AP2A2: variants seen among roughly 807,000 people sequenced by gnomAD.
AP2A2 encodes the protein AP-2 complex subunit alpha-2.
Under a neutral mutation model 104.2 loss-of-function variants are expected in AP2A2, and 32 were observed. The ratio of observed to expected loss-of-function variants is 0.31; its 90% CI spans 0.23 to 0.41. The LOEUF is 0.41. Among genes scored for constraint, AP2A2 ranks in the 10% least tolerant of loss-of-function variants. The probability of loss-of-function intolerance (pLI) is 1.00; values close to 1 mark genes in which losing one functional copy is unlikely to be tolerated. For synonymous variants in AP2A2, 539 were observed against 533.3 expected, an observed-to-expected ratio of 1.01 and a Z score of -0.15; for missense variants, 912 against 1,261.0, an observed-to-expected ratio of 0.72 and a Z score of 4.19.
intron 17 of AP2A2, 176 bp from the exon 18 acceptor site, chr11:1,007,836 A>C: frequency 1.2e-6 from 1 of 810,546 alleles, no homozygotes; most frequent in Middle Eastern, 2.4e-4. Context: ...CAGTGTTTTG[A>C]GGATTGTCTG....
chr11:999,324 C>T (rs917909612), intron 14 of AP2A2, among the ~76,000 whole-genome samples: 3 of 152,118 alleles, frequency 2.0e-5, no homozygotes, highest in African/African-American at 7.2e-5. Context: ...CCAACCTGGC[C>T]AACATGGTGA....
At chr11:984,432 A>C (rs1461690662) in intron 6 of AP2A2, among the ~76,000 whole-genome samples, 1 of 152,148 alleles carries the variant, frequency 6.6e-6, no homozygotes, top group Admixed American at 6.5e-5. Context: ...GAGGGCTGCC[A>C]CTCAGCTGCG....
At chr11:989,531 C>G (rs1200775467) in intron 10 of AP2A2, among the ~76,000 whole-genome samples, 2 of 152,170 alleles carry the variant, frequency 1.3e-5, no homozygotes, top group African/African-American at 2.4e-5. Context: ...TGTGGCTTGG[C>G]TTTTTTGGGT....
intron 1 of AP2A2, among the ~76,000 whole-genome samples, chr11:944,692 G>A (rs1189323431): frequency 6.6e-6 from 1 of 152,194 alleles, no homozygotes; most frequent in Non-Finnish European, 1.5e-5. Context: ...GAAGGCAGCA[G>A]TTGAGCAAGG....
In AP2A2 at chr11:935,875, G is replaced by T. The variant is rs552213734; in HGVS notation, c.67+9787G>T. 2.4e-3 allele frequency among the ~76,000 whole-genome samples: 356 copies of T among 150,038 alleles called. 2 individuals are homozygous for T. Among genetic ancestry groups the T allele is most frequent in the Non-Finnish European group, 4.5e-3 (307 of 67,630 alleles). On this transcript the variant is annotated intron_variant, in intron 1 of 21. Transcript: ENST00000448903. ...TCCCAAAGTGCTGGGAATTACAGGCGTGAGCCACTGCGCCCGGCCTATTCC... is the reference window on the plus strand; with the variant it reads ...TCCCAAAGTGCTGGGAATTACAGGCTTGAGCCACTGCGCCCGGCCTATTCC...
intron 5 of AP2A2, among the ~76,000 whole-genome samples, chr11:979,434 T>A (rs1334158975): frequency 2.0e-5 from 3 of 151,854 alleles, no homozygotes; most frequent in Admixed American, 6.6e-5. Context: ...TTTCACATTT[T>A]CCTTGGAAAG....
intron 4 of AP2A2, among the ~76,000 whole-genome samples, chr11:973,118 GC>G (rs1854891368): frequency 6.6e-6 from 1 of 152,260 alleles, no homozygotes; most frequent in African/African-American, 2.4e-5. Context: ...GCTGAGCTAG[GC>G]CTCAGGCCAC....
Position 985,446 on chromosome 11 carries a change from C to T in AP2A2, c.826C>T (p.Arg276Ter), listed in dbSNP as rs1248017492. The T allele has an allele frequency of 3.1e-6, 5 of 1,613,682 alleles. No individual in the cohort carries two copies. The highest frequency in any genetic ancestry group is 2.2e-5 in the East Asian group (1 of 44,892). The stretch of plus-strand genomic sequence containing the variant: ...GTCTTGCCCAGAAGACCCTGCAGTG[C>T]GAGGCCGCCTGACTGAGTGCCTGGA... ...QCYPPPDPAV[R>*]GRLTECLETI... Residue 276 changes from arginine to a stop codon, truncating the protein, a stop_gained, in exon 8 of 22, where the codon CGA becomes TGA. Coordinates refer to ENST00000448903, the MANE Select transcript of AP2A2 (RefSeq NM_012305.4). LOFTEE classifies it high-confidence loss of function.
In AP2A2 at chr11:970,202, A is replaced by G; in HGVS notation, c.170A>G (p.Lys57Arg). 1.2e-6 allele frequency: 2 copies of G among 1,614,016 alleles called. No individual in the cohort carries two copies. Among genetic ancestry groups the G allele is most frequent in the Non-Finnish European group, 1.7e-6 (2 of 1,179,884 alleles). Residue 57 changes from lysine (K) to arginine (R), a missense_variant, in exon 3 of 22, where the codon AAG becomes AGG. Physicochemically the swap from Lys to Arg is conservative, Grantham distance 26 (BLOSUM62 2). Transcript: ENST00000448903. ...DKALDGYSKKKYVCKLLFIFL... is the reference protein window; with the variant it reads ...DKALDGYSKKRYVCKLLFIFL... ...GCTCTTGATGGCTATAGTAAAAAAA[A>G]GTACGTCTGCAAGTTGCTCTTCATC...
chr11:941,654 C>G lies in AP2A2; in HGVS notation c.67+15566C>G, dbSNP rs542796089. The stretch of plus-strand genomic sequence containing the variant: ...CCAGGCTGGAGTGCAGTGGCGTGAT[C>G]TCGGCTCACTGCAATCTCTGACTCC... On this transcript the variant is annotated intron_variant, in intron 1 of 21. Transcript: ENST00000448903. Among the ~76,000 whole-genome samples, 6 of 151,412 alleles carry G rather than the reference C, an allele frequency of 4.0e-5. No individual in the cohort carries two copies. The South Asian group carries it at 1.3e-3, about 32-fold the overall frequency.
intron 2 of AP2A2, 52 bp downstream of exon 2, chr11:959,557 G>T: frequency 8.2e-7 from 1 of 1,221,468 alleles, no homozygotes; most frequent in Admixed American, 2.2e-5. Flanking sequence ...ATTTTCTGTA[G>T]TAAGAACCCA....
intron 1 of AP2A2, among the ~76,000 whole-genome samples, chr11:955,123 A>C (rs1854194379): frequency 6.6e-6 from 1 of 152,178 alleles, no homozygotes; most frequent in South Asian, 2.1e-4. Flanking sequence ...GAGAGAGCGC[A>C]AGGTCCCCTG....
rs866811703 is a variant in AP2A2 at position 988,707 on chromosome 11, C to T, written c.1269+18C>T. On this transcript the variant is annotated intron_variant, in intron 10 of 21. Coordinates refer to ENST00000448903, the MANE Select transcript of AP2A2 (RefSeq NM_012305.4). ...AAGAGATTGTGAGTTCTGGTGGCCT[C>T]TGAGTCCTCTCCTGCCACAGGCGTG... 10 of 1,612,802 alleles carry T rather than the reference C, an allele frequency of 6.2e-6. No individual in the cohort carries two copies. The African/African-American group carries it at 1.2e-4, about 19-fold the overall frequency.
Position 1,008,083 on chromosome 11 carries a change from A to G in AP2A2, c.2368A>G (p.Ile790Val), listed in dbSNP as rs776266794. 8 of 1,603,008 alleles carry G rather than the reference A, an allele frequency of 5.0e-6. No homozygotes were observed. The Admixed American group carries it at 1.2e-4, about 24-fold the overall frequency. ...CGCGCAGGTGCAGCAGGTGGTCAACATAGAGTGCGTGTCCGACTTCACGGA... is the reference window on the plus strand; with the variant it reads ...CGCGCAGGTGCAGCAGGTGGTCAACGTAGAGTGCGTGTCCGACTTCACGGA... ...GGAQVQQVVN[I>V]ECVSDFTEAP... Residue 790 changes from isoleucine to valine, a missense_variant, in exon 18 of 22, where the codon ATA (isoleucine) becomes GTA (valine). Around this residue, in one of 7 missense-constraint regions of AP2A2, gnomAD observed 239 missense variants for 329.8 expected, o/e 0.72. Coordinates refer to ENST00000448903, the MANE Select transcript of AP2A2 (RefSeq NM_012305.4).
chr11:959,185 C>T (rs963648789), intron 1 of AP2A2, among the ~76,000 whole-genome samples: 4 of 152,184 alleles, frequency 2.6e-5, no homozygotes, highest in South Asian at 2.1e-4. Context: ...CTGGCCCGGG[C>T]GGTTCAGGAC....
rs1025991938 is a variant in AP2A2, at chr11:985,663, A to G, written c.962+81A>G. The G allele has an allele frequency of 3.8e-6, 6 of 1,578,134 alleles. No homozygotes were observed. The Admixed American group carries it at 5.4e-5, about 14-fold the overall frequency. Reference sequence around the variant, plus strand: ...TCGTTGGCACGAGACTGGGCGGATCATGTCTGGTTTGTCCACTCCATGGGC... The same window carrying G: ...TCGTTGGCACGAGACTGGGCGGATCGTGTCTGGTTTGTCCACTCCATGGGC... On this transcript the variant is annotated intron_variant, in intron 8 of 21. Coordinates refer to ENST00000448903, the MANE Select transcript of AP2A2 (RefSeq NM_012305.4).
At chr11:951,535 A>G (rs1589958682) in intron 1 of AP2A2, among the ~76,000 whole-genome samples, 1 of 152,338 alleles carries the variant, frequency 6.6e-6, no homozygotes, top group African/African-American at 2.4e-5. Flanking sequence ...TCAAAAAAAA[A>G]AAAAGAACGT....
intron 1 of AP2A2, among the ~76,000 whole-genome samples, chr11:939,799 C>A (rs1482319862): frequency 6.6e-6 from 1 of 151,966 alleles, no homozygotes; most frequent in Non-Finnish European, 1.5e-5. Context: ...GCTCAAGTTT[C>A]TCTTCTCCTG....
At chr11:974,649 C>T (rs149431605) in intron 4 of AP2A2, among the ~76,000 whole-genome samples, 1 of 135,824 alleles carries the variant, frequency 7.4e-6, no homozygotes, top group East Asian at 2.2e-4. Flanking sequence ...CACCACTACA[C>T]ACCAGCCTGG....
Sources: gnomAD v4.1 joint callset for allele counts (sites outside exome capture counted in the v4.1 genomes callset) on GRCh38, gnomAD v4.1.1 for gene constraint, gnomAD v4.1.1 regional missense constraint, MANE v1.5 for transcripts, NCBI Gene and HGNC (gene_info 2026-07-23, HGNC 2026-07-21) for gene names.